Variants in ACAD10 observed in about 807,000 individuals in gnomAD.
ACAD10 encodes ACAD-10.
In ACAD10, 112 loss-of-function variants were observed where a neutral mutation model predicts 116.8. The observed-to-expected ratio is 0.96, with a 90% CI of 0.82 to 1.12. The LOEUF is 1.12. Among genes scored for constraint, ACAD10 ranks in the 50% most tolerant of loss-of-function variants. The probability of loss-of-function intolerance (pLI) is 0.00; values close to 1 mark genes in which losing one functional copy is unlikely to be tolerated. For synonymous variants in ACAD10, 486 were observed against 510.6 expected (o/e 0.95, Z 0.65); for missense variants, 1,259 against 1,350.2 (o/e 0.93, Z 1.06).
At chr12:111,716,380 AAAAGCCAAATGT>A (rs1449592926) in intron 7 of ACAD10, among the ~76,000 whole-genome samples, 1 of 152,226 alleles carries the variant, frequency 6.6e-6, no homozygotes, top group Non-Finnish European at 1.5e-5. Flanking sequence ...CAATCCCCCA[AAAAGCCAAATGT>A]AAATTAGAAC....
chr12:111,721,222 T>C (rs1889003545), intron 7 of ACAD10, among the ~76,000 whole-genome samples: 1 of 152,226 alleles, frequency 6.6e-6, no homozygotes, highest in African/African-American at 2.4e-5. Flanking sequence ...TTTGGGTCAA[T>C]TGAATATTTT....
chr12:111,751,794 C>T (rs1311024271), intron 18 of ACAD10, among the ~76,000 whole-genome samples: 1 of 149,606 alleles, frequency 6.7e-6, no homozygotes, highest in Non-Finnish European at 1.5e-5. Flanking sequence ...TGTGGTGGCT[C>T]ATACCTGTAA....
chr12:111,723,138 G>A (rs1485084764), intron 8 of ACAD10, among the ~76,000 whole-genome samples: 8 of 146,016 alleles, frequency 5.5e-5, no homozygotes, highest in African/African-American at 1.5e-4. Context: ...CTAGCCGGGC[G>A]GGGGGCTGAC....
intron 8 of ACAD10, among the ~76,000 whole-genome samples, chr12:111,723,218 C>T (rs1100129): frequency 0.13 from 16,353 of 123,096 alleles, 793 homozygotes; most frequent in East Asian, 0.21. Context: ...CCCTCCCGGA[C>T]GGGGCGGCTG....
chr12:111,702,084 G>T (rs1231395811), intron 2 of ACAD10, 78 bp from the exon 3 acceptor site: 1 of 1,453,960 alleles, frequency 6.9e-7, no homozygotes, highest in East Asian at 2.3e-5. Context: ...GTAGGAACTG[G>T]TATGGTAATT....
intron 16 of ACAD10, among the ~76,000 whole-genome samples, 172 bp from the exon 17 acceptor site, chr12:111,748,145 A>C (rs971061334): frequency 5.3e-5 from 8 of 152,146 alleles, no homozygotes; most frequent in Non-Finnish European, 1.2e-4. Context: ...GACAAAACCC[A>C]ATTTGCTCTT....
At chr12:111,686,711 C>T (rs189859345) in intron 1 of ACAD10, among the ~76,000 whole-genome samples, 21 of 152,136 alleles carry the variant, frequency 1.4e-4, no homozygotes, top group Non-Finnish European at 4.4e-5. Context: ...AGCGAAACTC[C>T]GTCTCAAAAA....
intron 19 of ACAD10, among the ~76,000 whole-genome samples, chr12:111,754,295 C>T (rs1890148520): frequency 6.6e-6 from 1 of 152,278 alleles, no homozygotes; most frequent in East Asian, 1.9e-4. Context: ...TGACATTAGT[C>T]ATTCACTAAG....
chr12:111,750,555 C>A (rs575855790), intron 18 of ACAD10, among the ~76,000 whole-genome samples: 15 of 152,214 alleles, frequency 9.9e-5, no homozygotes, highest in African/African-American at 3.6e-4. Flanking sequence ...CACTGCACTC[C>A]AGCCTGGGTG....
Position 111,696,968 on chromosome 12 carries a change from C to G in ACAD10, c.187+4072C>G, listed in dbSNP as rs546152480. On this transcript the variant is annotated intron_variant, in intron 2 of 20. Coordinates refer to ENST00000313698, the MANE Select transcript of ACAD10 (RefSeq NM_025247.6). ...TGGTGGCAGGTGCCTGTGGTCCCAGCTACTTGGGAGGCTGAGGCAGGAGAA... is the reference window on the plus strand; with the variant it reads ...TGGTGGCAGGTGCCTGTGGTCCCAGGTACTTGGGAGGCTGAGGCAGGAGAA... Among the ~76,000 whole-genome samples the G allele has an allele frequency of 2.0e-5, 3 of 152,088 alleles. No homozygotes were observed. In the East Asian group the frequency reaches 5.8e-4, roughly 30 times the overall value.
intron 4 of ACAD10, among the ~76,000 whole-genome samples, chr12:111,706,782 A>ATATTTTTTTTTTT (rs778649893): frequency 7.2e-4 from 91 of 126,468 alleles, no homozygotes; most frequent in African/African-American, 2.5e-3. Flanking sequence ...ATATATATAT[A>ATATTTTTTTTTTT]TTTTTTTTTT....
At chr12:111,754,878 C>G (rs1157878243) in intron 19 of ACAD10, among the ~76,000 whole-genome samples, 1 of 152,236 alleles carries the variant, frequency 6.6e-6, no homozygotes, top group Non-Finnish European at 1.5e-5. Flanking sequence ...CAGCCACATT[C>G]TGCCAGCACT....
intron 7 of ACAD10, among the ~76,000 whole-genome samples, chr12:111,720,401 A>G (rs754508296): frequency 6.6e-6 from 1 of 151,982 alleles, no homozygotes; most frequent in Non-Finnish European, 1.5e-5. Context: ...CTCAACTAAG[A>G]CTTGTGGATT....
At chr12:111,707,412 A>ATT (rs61084633) in intron 4 of ACAD10, among the ~76,000 whole-genome samples, 39,162 of 151,570 alleles carry the variant, frequency 0.26, 6,649 homozygotes, top group East Asian at 0.9. Context: ...GGATACTTTA[A>ATT]AAATGTTTGT....
intron 7 of ACAD10, 102 bp downstream of exon 7, chr12:111,716,064 C>T: frequency 6.7e-7 from 1 of 1,483,932 alleles, no homozygotes; most frequent in South Asian, 1.2e-5. Context: ...TACCCCAAGA[C>T]ATTTAAAACT....
chr12:111,723,165 C>T (rs1185726209), intron 8 of ACAD10, among the ~76,000 whole-genome samples: 3 of 143,864 alleles, frequency 2.1e-5, no homozygotes, highest in South Asian at 4.4e-4. Flanking sequence ...ACCTCCCTCC[C>T]GGACGGGGCG....
intron 1 of ACAD10, among the ~76,000 whole-genome samples, chr12:111,689,691 T>G (rs1284675334): frequency 6.6e-6 from 1 of 151,976 alleles, no homozygotes; most frequent in Non-Finnish European, 1.5e-5. Flanking sequence ...TGTGTTTGTT[T>G]TGTTTTGTTT....
intron 9 of ACAD10, among the ~76,000 whole-genome samples, chr12:111,729,344 T>G (rs1357572221): frequency 6.6e-6 from 1 of 152,040 alleles, no homozygotes; most frequent in African/African-American, 2.4e-5. Flanking sequence ...TTCAAGCGAT[T>G]TTCCTGCCTC....
chr12:111,723,005 G>A (rs1402273455), intron 8 of ACAD10, among the ~76,000 whole-genome samples: 3 of 149,740 alleles, frequency 2.0e-5, no homozygotes, highest in African/African-American at 7.4e-5. Context: ...GCGGGTGGCC[G>A]GGCGGGGGGC....
Sources: gnomAD v4.1 joint callset for allele counts (sites outside exome capture counted in the v4.1 genomes callset) on GRCh38, gnomAD v4.1.1 for gene constraint, MANE v1.5 for transcripts, NCBI Gene and HGNC (gene_info 2026-07-23, HGNC 2026-07-21) for gene names.